The following MESP1 variants were observed in gnomAD, a reference collection of about 807,000 sequenced individuals.
MESP1 encodes mesoderm posterior bHLH transcription factor 1, also known as mesoderm posterior protein 1.
In MESP1, 22 loss-of-function variants were observed where a neutral mutation model predicts 15.2. That is an observed-to-expected ratio of 1.45 (90% CI 1.04 to 2.07). The LOEUF (loss-of-function observed/expected upper bound fraction) is 2.07. Among genes scored for constraint, MESP1 ranks in the 30% most tolerant of loss-of-function variants. The pLI, the probability that MESP1 is intolerant of heterozygous loss-of-function variation, is 0.00. For missense variants in MESP1, 484 were observed against 411.9 expected, an observed-to-expected ratio of 1.17 and a Z score of -1.51; for synonymous variants, 216 against 192.6, an observed-to-expected ratio of 1.12 and a Z score of -1.01.
At chr15:89,741,665 G>C in the MESP1 span, among the ~76,000 whole-genome samples, 2 of 152,144 alleles carry the variant, frequency 1.3e-5, no homozygotes, top group Admixed American at 6.5e-5. Flanking sequence ...GGTGCATCTT[G>C]CTTGGTTCTG....
At chr15:89,745,250 C>G (rs541771397), downstream of MESP1, among the ~76,000 whole-genome samples, 29 of 152,272 alleles carry the variant, frequency 1.9e-4, no homozygotes, top group Non-Finnish European at 3.5e-4. This position sits in a 1 kb window ranked among gnomAD's most constrained non-coding sequence, Gnocchi z 4.8. Flanking sequence ...GAGAGGGGAT[C>G]TGAGGCATTC....
chr15:89,735,524 G>A, the MESP1 span: 378 of 1,614,106 alleles, frequency 2.3e-4, 3 homozygotes, highest in African/African-American at 4.0e-3. Context: ...CATCTGTGCC[G>A]TGGCCCCAGT....
At chr15:89,744,684 G>A in the MESP1 span, among the ~76,000 whole-genome samples, 3 of 152,312 alleles carry the variant, frequency 2.0e-5, no homozygotes, top group South Asian at 2.1e-4. Flanking sequence ...GCTAGAAACC[G>A]AACACAAACT....
At chr15:89,734,276 C>T in the MESP1 span, among the ~76,000 whole-genome samples, 3 of 152,148 alleles carry the variant, frequency 2.0e-5, no homozygotes, top group African/African-American at 4.8e-5. Context: ...GGACTCAGTC[C>T]GTTTCTTCTA....
the MESP1 span, among the ~76,000 whole-genome samples, chr15:89,736,708 G>C: frequency 6.6e-6 from 1 of 152,066 alleles, no homozygotes; most frequent in South Asian, 2.1e-4. Context: ...GGAGGTGGGG[G>C]AGTGGACAGG....
the MESP1 span, chr15:89,735,485 T>C: frequency 6.2e-7 from 1 of 1,613,980 alleles, no homozygotes; most frequent in Admixed American, 1.7e-5. Context: ...TTTTCTGTCC[T>C]ATAGGCCTGT....
At position 89,751,117 on chromosome 15, in the gene MESP1, A is replaced by T; in HGVS notation, c.115T>A (p.Ser39Thr). 1 of 1,289,584 alleles carries T rather than the reference A, an allele frequency of 7.8e-7. No homozygotes were observed. Among genetic ancestry groups the T allele is most frequent in the Non-Finnish European group, 9.8e-7 (1 of 1,021,898 alleles). 79.9% of individuals were successfully genotyped at this position (1,289,584 alleles called of 1,614,324 possible). ...GGGGTGCTGCCCCATGAGTCTGGGG[A>T]CGAGACGAGGGAGCGGCCGCAGTCC... is the stretch of plus-strand genomic sequence containing the variant. ...DKDCGRSLVSSPDSWGSTPAD... is the reference protein window; with the variant it reads ...DKDCGRSLVSTPDSWGSTPAD... The change falls in exon 1 of 2, where the codon TCC becomes ACC. Residue 39 changes from serine to threonine, a missense_variant. By Grantham distance (58) the Ser-to-Thr change is moderately conservative. Coordinates refer to ENST00000300057, the MANE Select transcript of MESP1 (RefSeq NM_018670.4).
the MESP1 span, among the ~76,000 whole-genome samples, chr15:89,739,042 G>A: frequency 6.6e-6 from 1 of 151,822 alleles, no homozygotes; most frequent in African/African-American, 2.4e-5. Flanking sequence ...CTTGAACCTG[G>A]GAGGCAGAGG....
chr15:89,751,092 G>T lies in MESP1; in HGVS notation c.140C>A (p.Pro47Gln). The change falls in exon 1 of 2, where the codon CCA becomes CAA. Residue 47 changes from proline (P) to glutamine (Q), a missense_variant. Physicochemically the swap from Pro to Gln is moderately conservative, Grantham distance 76 (BLOSUM62 -1). Coordinates refer to ENST00000300057, the MANE Select transcript of MESP1 (RefSeq NM_018670.4). ...VSSPDSWGSTPADSPVASPAR... is the reference protein window; with the variant it reads ...VSSPDSWGSTQADSPVASPAR... ...GGGGCTCGCCACGGGGCTGTCGGCT[G>T]GGGTGCTGCCCCATGAGTCTGGGGA... 1 of 1,323,108 alleles carries T rather than the reference G, an allele frequency of 7.6e-7. No individual in the cohort carries two copies. The highest frequency in any genetic ancestry group is 2.9e-5 in the East Asian group (1 of 34,160). 82.0% of individuals were successfully genotyped at this position (1,323,108 alleles called of 1,614,324 possible).
chr15:89,750,569 C>A lies in MESP1; in HGVS notation c.663G>T (p.Ala221=), dbSNP rs281865538. 128 of 1,438,768 alleles carry A rather than the reference C, an allele frequency of 8.9e-5. No homozygotes were observed. The highest frequency in any genetic ancestry group is 1.1e-4 in the Non-Finnish European group (123 of 1,105,172). The allele number at this position is 1,438,768 out of a possible 1,614,324, so 89.1% of individuals were successfully genotyped here. A position where few individuals can be genotyped will look rare whatever the true frequency, so the allele number is the denominator to read the frequency against. ...CAGGGCACGCCGCCTCGGCGAACAGCGCAGGCGGGTCGCGCGGCTCGGGTG... is the reference window on the plus strand; with the variant it reads ...CAGGGCACGCCGCCTCGGCGAACAGAGCAGGCGGGTCGCGCGGCTCGGGTG... ...RAAPEPRDPP[A]LFAEAACPEG... The change falls in exon 1 of 2, where the codon GCG becomes GCT. Residue 221 remains alanine, a synonymous_variant. Transcript: ENST00000300057.
the MESP1 span, among the ~76,000 whole-genome samples, chr15:89,743,125 T>G: frequency 6.6e-6 from 1 of 152,232 alleles, no homozygotes; most frequent in East Asian, 1.9e-4. Flanking sequence ...AAAGGCCTTC[T>G]GAGCACCTGC....
the MESP1 span, chr15:89,733,285 T>C: frequency 1.1e-5 from 17 of 1,482,440 alleles, no homozygotes; most frequent in Non-Finnish European, 1.5e-5. Flanking sequence ...TATTTGATAG[T>C]AAAATCTGAC....
chr15:89,749,169 T>C (rs1182695431), downstream of MESP1: 1 of 152,232 alleles, frequency 6.6e-6, no homozygotes, highest in Non-Finnish European at 1.5e-5. Context: ...CAACTGCCTG[T>C]GTGGATTCCG....
chr15:89,741,118 C>T, the MESP1 span, among the ~76,000 whole-genome samples: 37 of 151,602 alleles, frequency 2.4e-4, no homozygotes, highest in South Asian at 2.5e-3. Flanking sequence ...CCAGCCTGGG[C>T]GACAGAGCAA....
downstream of MESP1, among the ~76,000 whole-genome samples, chr15:89,747,137 CACACACACA>C (rs1567139513): frequency 8.0e-5 from 12 of 150,856 alleles, no homozygotes; most frequent in South Asian, 2.1e-4. Context: ...CACACACACA[CACACACACA>C]CCCCTACCTT....
chr15:89,751,009 G>A lies in MESP1; in HGVS notation c.223C>T (p.Arg75Cys), dbSNP rs1968086041. ...RAPSVGRRGA[R>C]SSRLGSGQRQ... is the part of the protein sequence containing the mutation. ...TGCCCGCTGCCCAGGCGGCTGCTGC[G>A]CGCGCCGCGCCTACCTACGGAGGGG... The change falls in exon 1 of 2, where the codon CGC (arginine) becomes TGC (cysteine). Residue 75 changes from arginine (R) to cysteine (C), a missense_variant. Physicochemically the swap from Arg to Cys is radical, Grantham distance 180 (BLOSUM62 -3). Transcript: ENST00000300057. 1.5e-6 allele frequency: 2 copies of A among 1,364,310 alleles called. No homozygotes were observed. The highest frequency in any genetic ancestry group is 1.9e-6 in the Non-Finnish European group (2 of 1,066,414). The allele number at this position is 1,364,310 out of a possible 1,614,324, so 84.5% of individuals were successfully genotyped here.
the MESP1 span, among the ~76,000 whole-genome samples, chr15:89,734,711 A>G: frequency 6.6e-6 from 1 of 152,160 alleles, no homozygotes; most frequent in Non-Finnish European, 1.5e-5. Context: ...TAGGCCAGGT[A>G]CAGAGGGTCA....
At chr15:89,738,087 A>C in the MESP1 span, 1 of 1,613,912 alleles carries the variant, frequency 6.2e-7, no homozygotes, top group Non-Finnish European at 8.5e-7. Context: ...CTGGAATCCA[A>C]TATTCTGTTT....
At chr15:89,738,220 C>T in the MESP1 span, 13 of 1,610,342 alleles carry the variant, frequency 8.1e-6, no homozygotes, top group African/African-American at 1.3e-5. Context: ...GAGATGTGAG[C>T]GTTTCCTCCA....
Sources: allele counts gnomAD v4.1 joint callset (sites outside exome capture counted in the v4.1 genomes callset), GRCh38; gene constraint gnomAD v4.1.1; non-coding constraint Gnocchi (gnomAD v3.1); transcripts MANE v1.5; gene names NCBI Gene and HGNC (gene_info 2026-07-23, HGNC 2026-07-21).